The following PIK3R3 variants were observed in gnomAD, a reference collection of about 807,000 sequenced individuals.
PIK3R3 encodes the protein phosphatidylinositol 3-kinase regulatory subunit gamma.
Under a neutral mutation model 62.9 loss-of-function variants are expected in PIK3R3, and 64 were observed. The observed-to-expected ratio is 1.02, with a 90% CI of 0.83 to 1.25. The LOEUF (loss-of-function observed/expected upper bound fraction) is 1.25, where lower values mean the gene tolerates loss of function less well. Ranked by LOEUF, PIK3R3 falls within the 50% of genes most tolerant of loss-of-function variation. The pLI is 0.00. For synonymous variants in PIK3R3, 165 were observed against 189.0 expected, an observed-to-expected ratio of 0.87 and a Z score of 1.04; for missense variants, 614 against 561.6, an observed-to-expected ratio of 1.09 and a Z score of -0.94.
Position 46,132,153 on chromosome 1 carries a change from C to A in PIK3R3, c.-201G>T. The A allele has an allele frequency of 7.4e-7, 1 of 1,350,136 alleles. No individual in the cohort carries two copies. The highest frequency in any genetic ancestry group is 3.0e-5 in the East Asian group (1 of 33,228). The allele number at this position is 1,350,136 out of a possible 1,614,324, so 83.6% of individuals were successfully genotyped here. The stretch of plus-strand genomic sequence containing the variant: ...CCTACAGAACACAACAAAATGCCCC[C>A]GAACTTTCAAGCTATGGGCTTTTCT... On this transcript the variant is annotated 5_prime_UTR_variant, in exon 1 of 10. Coordinates refer to ENST00000262741, the MANE Select transcript of PIK3R3 (RefSeq NM_003629.4).
chr1:46,111,116 AAGATGTAT>A (rs1315147496), intron 1 of PIK3R3, among the ~76,000 whole-genome samples: 1 of 152,146 alleles, frequency 6.6e-6, no homozygotes, highest in Non-Finnish European at 1.5e-5. Context: ...ACCTTCACAA[AAGATGTAT>A]AGAGTACCTG....
At chr1:46,155,877 CATAA>C in the PIK3R3 span, among the ~76,000 whole-genome samples, 2 of 152,020 alleles carry the variant, frequency 1.3e-5, no homozygotes, top group African/African-American at 4.8e-5. Flanking sequence ...TTTCGGTATC[CATAA>C]ATAAAGTCAT....
chr1:46,115,482 G>A (rs967649360), intron 1 of PIK3R3, among the ~76,000 whole-genome samples: 2 of 152,062 alleles, frequency 1.3e-5, no homozygotes, highest in Non-Finnish European at 2.9e-5. Flanking sequence ...AAAAATATAG[G>A]ACACACAGTT....
At chr1:46,164,087 C>T in the PIK3R3 span, among the ~76,000 whole-genome samples, 3 of 152,174 alleles carry the variant, frequency 2.0e-5, no homozygotes, top group African/African-American at 7.2e-5. Context: ...CGAATAATAC[C>T]TCTCCCATCT....
the PIK3R3 span, among the ~76,000 whole-genome samples, chr1:46,171,829 G>A: frequency 3.3e-5 from 5 of 152,184 alleles, no homozygotes; most frequent in Admixed American, 6.5e-5. Flanking sequence ...CTGAAGCTCC[G>A]GGCTCCTGCC....
chr1:46,091,317 T>C (rs985292404), intron 1 of PIK3R3, among the ~76,000 whole-genome samples: 6 of 151,994 alleles, frequency 3.9e-5, no homozygotes, highest in African/African-American at 1.5e-4. Context: ...ATTTTTGTAT[T>C]TGTAGTAAAG....
chr1:46,097,891 A>G (rs1296825066), intron 1 of PIK3R3, among the ~76,000 whole-genome samples: 1 of 147,046 alleles, frequency 6.8e-6, no homozygotes, highest in African/African-American at 2.5e-5. Flanking sequence ...CTCCATCTCA[A>G]AAAAAAAAAA....
the PIK3R3 span, among the ~76,000 whole-genome samples, chr1:46,146,936 A>T: frequency 2.0e-5 from 3 of 151,936 alleles, no homozygotes; most frequent in Admixed American, 6.6e-5. Context: ...TGAAGAGAAA[A>T]CATCTGTACC....
At chr1:46,110,275 C>CTTTT (rs35873858) in intron 1 of PIK3R3, among the ~76,000 whole-genome samples, 5 of 71,306 alleles carry the variant, frequency 7.0e-5, no homozygotes, top group East Asian at 4.0e-4. Context: ...CCAGGCTTGG[C>CTTTT]TTTTTTTTTT....
chr1:46,064,776 C>G (rs1648842017), intron 5 of PIK3R3, among the ~76,000 whole-genome samples: 1 of 152,006 alleles, frequency 6.6e-6, no homozygotes, highest in Non-Finnish European at 1.5e-5. Flanking sequence ...GATGCATATA[C>G]ACAGTGCTTA....
rs1651668615 is a variant in PIK3R3, at chr1:46,091,855, T to TAGATTACTTGTATCTA, written c.107-11121_107-11106dup. 2.0e-5 allele frequency among the ~76,000 whole-genome samples: 3 copies of TAGATTACTTGTATCTA among 152,366 alleles called. No homozygotes were observed. In the East Asian group the frequency reaches 5.8e-4, roughly 29 times the overall value. On this transcript the variant is annotated intron_variant, in intron 1 of 9. Transcript: ENST00000262741. ...CCTCCCATATACTTTAAGTCATCTCTAGATTACTTGTATCTAATACAATGT... is the reference window on the plus strand; with the variant it reads ...CCTCCCATATACTTTAAGTCATCTCTAGATTACTTGTATCTAAGATTACTTGTATCTAATACAATGT...
chr1:46,126,640 T>C (rs1333832422), intron 1 of PIK3R3, among the ~76,000 whole-genome samples: 3 of 151,526 alleles, frequency 2.0e-5, no homozygotes, highest in Non-Finnish European at 4.4e-5. Context: ...AATATAGTTA[T>C]TTTTTCATTT....
At position 46,067,092 on chromosome 1, in the gene PIK3R3, C is replaced by T. The variant is rs1178407462; in HGVS notation, c.315-1G>A. The T allele has an allele frequency of 7.1e-6, 11 of 1,549,866 alleles. No individual in the cohort carries two copies. Among genetic ancestry groups the T allele is most frequent in the Non-Finnish European group, 8.7e-6 (10 of 1,150,706 alleles). On this transcript the variant is annotated splice_acceptor_variant, in intron 3 of 9. Coordinates refer to ENST00000262741, the MANE Select transcript of PIK3R3 (RefSeq NM_003629.4). LOFTEE classifies it high-confidence loss of function. ...TATTAACTTATTATTGCCTCCCTTC[C>T]TGTGAACAACAAGACAACAACTGTG...
At chr1:46,091,801 C>G (rs75921893) in intron 1 of PIK3R3, among the ~76,000 whole-genome samples, 1 of 152,096 alleles carries the variant, frequency 6.6e-6, no homozygotes, top group South Asian at 2.1e-4. Flanking sequence ...TATAAAATGA[C>G]GTAATATTTG....
At chr1:46,061,813 G>C in intron 6 of PIK3R3, 116 bp downstream of exon 6, 1 of 909,398 alleles carries the variant, frequency 1.1e-6, no homozygotes, top group South Asian at 1.4e-5. Context: ...ACAGCAAGTG[G>C]TTCCAATAGT....
At chr1:46,063,009 T>C (rs545580711) in intron 5 of PIK3R3, among the ~76,000 whole-genome samples, 4 of 152,194 alleles carry the variant, frequency 2.6e-5, no homozygotes, top group Non-Finnish European at 5.9e-5. Context: ...GAAATTACCA[T>C]CTGGTGATAG....
chr1:46,148,726 T>A, the PIK3R3 span, among the ~76,000 whole-genome samples: 1 of 151,376 alleles, frequency 6.6e-6, no homozygotes, highest in Admixed American at 6.6e-5. Flanking sequence ...CCATTGTTCG[T>A]GCTTCTCCAA....
chr1:46,071,265 A>G (rs1246202926), intron 3 of PIK3R3, among the ~76,000 whole-genome samples: 2 of 151,900 alleles, frequency 1.3e-5, no homozygotes, highest in Non-Finnish European at 2.9e-5. Context: ...AATTTTATAT[A>G]TTTTTTTCCA....
intron 7 of PIK3R3, among the ~76,000 whole-genome samples, chr1:46,052,240 A>T (rs1647429229): frequency 6.6e-6 from 1 of 152,184 alleles, no homozygotes; most frequent in Admixed American, 6.5e-5. Flanking sequence ...AAAATGTCTT[A>T]TTGTGCTGTA....
Sources: allele counts gnomAD v4.1 joint callset (sites outside exome capture counted in the v4.1 genomes callset), GRCh38; gene constraint gnomAD v4.1.1; transcripts MANE v1.5; gene names NCBI Gene and HGNC (gene_info 2026-07-23, HGNC 2026-07-21).